The following PRICKLE1 variants were observed in gnomAD, a reference collection of about 807,000 sequenced individuals.
PRICKLE1 encodes prickle planar cell polarity protein 1.
Under a neutral mutation model 70.2 loss-of-function variants are expected in PRICKLE1, and 14 were observed. The ratio of observed to expected loss-of-function variants is 0.20; its 90% CI spans 0.13 to 0.31. The LOEUF (loss-of-function observed/expected upper bound fraction) is 0.31. Ranked by LOEUF, PRICKLE1 falls within the 10% of genes least tolerant of loss-of-function variation. The probability of loss-of-function intolerance (pLI) is 1.00; values close to 1 mark genes in which losing one functional copy is unlikely to be tolerated. For synonymous variants in PRICKLE1, 357 were observed against 379.9 expected (o/e 0.94, Z 0.70); for missense variants, 821 against 1,026.2 (o/e 0.80, Z 2.73).
At chr12:42,543,532 T>G (rs1940153232) in intron 1 of PRICKLE1, among the ~76,000 whole-genome samples, 1 of 151,952 alleles carries the variant, frequency 6.6e-6, no homozygotes, top group Admixed American at 6.6e-5. Flanking sequence ...AAACTTGTTT[T>G]TTTCTTTTGA....
intron 1 of PRICKLE1, among the ~76,000 whole-genome samples, chr12:42,543,007 G>A (rs992561423): frequency 1.3e-5 from 2 of 152,196 alleles, no homozygotes; most frequent in Non-Finnish European, 2.9e-5. Flanking sequence ...TCAGAGAGCT[G>A]CCTTGCTCTT....
intron 1 of PRICKLE1, among the ~76,000 whole-genome samples, chr12:42,552,990 TGG>T (rs1940346020): frequency 1.3e-5 from 2 of 152,128 alleles, no homozygotes; most frequent in African/African-American, 4.8e-5. Flanking sequence ...TGACAGGAGG[TGG>T]AGCTCAGGCT....
At chr12:42,501,282 A>G (rs1385345073) in intron 1 of PRICKLE1, among the ~76,000 whole-genome samples, 1 of 152,120 alleles carries the variant, frequency 6.6e-6, no homozygotes, top group Non-Finnish European at 1.5e-5. Context: ...AGGCAGGCAG[A>G]TCATGAGGTC....
intron 1 of PRICKLE1, among the ~76,000 whole-genome samples, chr12:42,515,733 G>A (rs568511523): frequency 6.6e-5 from 10 of 152,028 alleles, no homozygotes; most frequent in Non-Finnish European, 1.3e-4. Flanking sequence ...CTATCCTCTG[G>A]CTTCCAGTAT....
chr12:42,555,770 C>T (rs1348081872), intron 1 of PRICKLE1, among the ~76,000 whole-genome samples: 1 of 152,060 alleles, frequency 6.6e-6, no homozygotes, highest in Non-Finnish European at 1.5e-5. Context: ...AAAAAAGCAT[C>T]CCCCTAGAAT....
At chr12:42,585,032 CT>C (rs113214994) in intron 1 of PRICKLE1, among the ~76,000 whole-genome samples, 1,512 of 144,992 alleles carry the variant, frequency 0.01, 17 homozygotes, top group African/African-American at 0.028. Context: ...ACAGCCCTAA[CT>C]TTTTTTTTTT....
At chr12:42,460,774 A>G (rs1475813826) in intron 7 of PRICKLE1, 109 bp from the exon 8 acceptor site, 3 of 1,316,086 alleles carry the variant, frequency 2.3e-6, no homozygotes, top group East Asian at 2.4e-5. Flanking sequence ...TCCAATCTCA[A>G]TATTTGATTA....
chr12:42,473,831 CAA>C (rs60989255), intron 1 of PRICKLE1, among the ~76,000 whole-genome samples: 24,418 of 145,526 alleles, frequency 0.17, 1,928 homozygotes, highest in Admixed American at 0.21. Context: ...GGAAGGATGT[CAA>C]AAAAAAAAAA....
At chr12:42,503,174 G>A (rs1259531867) in intron 1 of PRICKLE1, among the ~76,000 whole-genome samples, 2 of 152,198 alleles carry the variant, frequency 1.3e-5, no homozygotes, top group Admixed American at 1.3e-4. Context: ...GCATTTCACT[G>A]TGAAATCAAC....
At chr12:42,466,140 C>G in intron 6 of PRICKLE1, 54 bp downstream of exon 6, 1 of 1,584,214 alleles carries the variant, frequency 6.3e-7, no homozygotes. Flanking sequence ...ACTGGATAAT[C>G]CAAGACAGAC....
rs757924445 is a variant in PRICKLE1, at chr12:42,470,248, CA to C, written c.243del (p.Asn81LysfsTer9). 6.3e-7 allele frequency: 1 copy of C among 1,599,614 alleles called. No homozygotes were observed. The highest frequency in any genetic ancestry group is 1.1e-5 in the South Asian group (1 of 90,772). On this transcript the variant is annotated frameshift_variant, in exon 3 of 8. Coordinates refer to ENST00000345127, the MANE Select transcript of PRICKLE1 (RefSeq NM_153026.3). LOFTEE classifies it high-confidence loss of function. ...QLLYQLPPHD[N>X]EVRYCQSLSE... Reference sequence around the variant, plus strand: ...TAGCCTTCTTCCTGCTATTTTACCTCATTATCATGTGGTGGTAACTGGTACA... The same window carrying C: ...TAGCCTTCTTCCTGCTATTTTACCTCTTATCATGTGGTGGTAACTGGTACA...
intron 1 of PRICKLE1, among the ~76,000 whole-genome samples, chr12:42,539,467 CAA>C (rs71084669): frequency 6.5e-4 from 59 of 90,686 alleles, no homozygotes; most frequent in African/African-American, 1.4e-3. Context: ...GACTCTGTCT[CAA>C]AAAAAAAAAA....
chr12:42,472,464 C>T lies in PRICKLE1; in HGVS notation c.53G>A (p.Arg18Lys). 1 of 1,614,182 alleles carries T rather than the reference C, an allele frequency of 6.2e-7. No homozygotes were observed. The highest frequency in any genetic ancestry group is 8.5e-7 in the Non-Finnish European group (1 of 1,180,030). The change falls in exon 2 of 8, where the codon AGA (arginine) becomes AAA (lysine). Residue 18 changes from arginine to lysine, a missense_variant. Arg to Lys is a conservative substitution (Grantham distance 26). Coordinates refer to ENST00000345127, the MANE Select transcript of PRICKLE1 (RefSeq NM_153026.3). The part of the protein sequence containing the change: ...KMSKLAFGCQ[R>K]SSTSDDDSGC... ...AGAGTCATCATCTGATGTGGAACTT[C>T]TCTGACAGCCAAAGGCCAGTTTGCT...
chr12:42,552,327 C>T (rs1427482945), intron 1 of PRICKLE1, among the ~76,000 whole-genome samples: 1 of 152,142 alleles, frequency 6.6e-6, no homozygotes, highest in Non-Finnish European at 1.5e-5. Context: ...CTTGGCCTCC[C>T]AAAGTGCTGG....
chr12:42,460,778 T>C (rs1448675571), intron 7 of PRICKLE1, 113 bp from the exon 8 acceptor site: 10 of 1,297,520 alleles, frequency 7.7e-6, no homozygotes, highest in Admixed American at 1.8e-5. Flanking sequence ...ATCTCAATAT[T>C]TGATTAAAAC....
chr12:42,528,200 C>T (rs1592004029), intron 1 of PRICKLE1, among the ~76,000 whole-genome samples: 2 of 151,900 alleles, frequency 1.3e-5, no homozygotes, highest in East Asian at 3.9e-4. Context: ...CCCACCTCAG[C>T]CTCCAAAGTA....
At chr12:42,584,836 G>C (rs1940960829) in intron 1 of PRICKLE1, among the ~76,000 whole-genome samples, 1 of 152,036 alleles carries the variant, frequency 6.6e-6, no homozygotes, top group African/African-American at 2.4e-5. Flanking sequence ...TCTACTTACG[G>C]GTCTGCATCT....
At chr12:42,460,830 G>A in intron 7 of PRICKLE1, 165 bp from the exon 8 acceptor site, 1 of 761,114 alleles carries the variant, frequency 1.3e-6, no homozygotes, top group Non-Finnish European at 2.2e-6. Flanking sequence ...ATTGAGAAGT[G>A]GTATAAATGC....
intron 1 of PRICKLE1, among the ~76,000 whole-genome samples, chr12:42,529,932 CCTTCCTTT>C (rs1239854192): frequency 3.0e-5 from 2 of 65,710 alleles, no homozygotes; most frequent in African/African-American, 8.5e-5. Flanking sequence ...TCTTTTCCTT[CCTTCCTTT>C]CTTCCTTCCT....
Sources: gnomAD v4.1 joint callset for allele counts (sites outside exome capture counted in the v4.1 genomes callset) on GRCh38, gnomAD v4.1.1 for gene constraint, MANE v1.5 for transcripts, NCBI Gene and HGNC (gene_info 2026-07-23, HGNC 2026-07-21) for gene names.